The following PRICKLE1 variants were observed in gnomAD, a reference collection of about 807,000 sequenced individuals.
PRICKLE1 encodes the protein prickle planar cell polarity protein 1, also known as prickle-like protein 1.
Under a neutral mutation model 70.2 loss-of-function variants are expected in PRICKLE1, and 14 were observed. The ratio of observed to expected loss-of-function variants is 0.20; its 90% confidence interval spans 0.13 to 0.31. The LOEUF (loss-of-function observed/expected upper bound fraction) is 0.31. Among genes scored for constraint, PRICKLE1 ranks in the 10% least tolerant of loss-of-function variants. The pLI is 1.00. For synonymous variants in PRICKLE1, 357 were observed against 379.9 expected, an observed-to-expected ratio of 0.94 and a Z score of 0.70; for missense variants, 821 against 1,026.2, an observed-to-expected ratio of 0.80 and a Z score of 2.73.
At position 42,512,583 on chromosome 12, in the gene PRICKLE1, T is replaced by C. The variant is rs116621107; in HGVS notation, c.-48-40019A>G. ...CCCCTGCCCTCTCCCTATTCCACAT[T>C]CTTCATCTCTCTTTCCTGAGTTATT... is the stretch of plus-strand genomic sequence containing the variant. On this transcript the variant is annotated intron_variant, in intron 1 of 7. Transcript: ENST00000345127. Among the ~76,000 whole-genome samples the C allele has an allele frequency of 1.7e-3, 258 of 152,318 alleles. 3 individuals are homozygous for C. Among genetic ancestry groups the C allele is most frequent in the African/African-American group, 6.1e-3 (254 of 41,578 alleles).
chr12:42,562,768 GA>G (rs922595629), intron 1 of PRICKLE1, among the ~76,000 whole-genome samples: 1 of 151,936 alleles, frequency 6.6e-6, no homozygotes, highest in African/African-American at 2.4e-5. Flanking sequence ...AGAAGGAAAA[GA>G]AAAAAATTGT....
chr12:42,533,858 C>CT (rs1939969081), intron 1 of PRICKLE1, among the ~76,000 whole-genome samples: 1 of 152,150 alleles, frequency 6.6e-6, no homozygotes, highest in African/African-American at 2.4e-5. Context: ...CACAACTCCC[C>CT]TCCCACACAA....
At chr12:42,490,225 G>A (rs1376925185) in intron 1 of PRICKLE1, among the ~76,000 whole-genome samples, 2 of 152,198 alleles carry the variant, frequency 1.3e-5, no homozygotes, top group African/African-American at 4.8e-5. Context: ...AACCGTGAAG[G>A]TGGGGTGACA....
At chr12:42,569,384 T>C (rs1466203862) in intron 1 of PRICKLE1, among the ~76,000 whole-genome samples, 1 of 152,238 alleles carries the variant, frequency 6.6e-6, no homozygotes, top group Non-Finnish European at 1.5e-5. Flanking sequence ...CAGACATGAC[T>C]GCTTTTAAGT....
intron 1 of PRICKLE1, among the ~76,000 whole-genome samples, chr12:42,473,644 G>C (rs1003213309): frequency 1.3e-5 from 2 of 152,084 alleles, no homozygotes; most frequent in African/African-American, 4.8e-5. Flanking sequence ...ATGATGTAAA[G>C]AAAGAAAATT....
At chr12:42,499,725 A>AATTTTTT (rs1939272541) in intron 1 of PRICKLE1, among the ~76,000 whole-genome samples, 1 of 144,000 alleles carries the variant, frequency 6.9e-6, no homozygotes, top group Admixed American at 7.1e-5. Flanking sequence ...CTGGCCTAGA[A>AATTTTTT]ATTTATTTAT....
In PRICKLE1 at chr12:42,472,457, G is replaced by T. The variant is rs370960593; in HGVS notation, c.60C>A (p.Ser20=). Residue 20 remains serine (S), a synonymous_variant, in exon 2 of 8, where the codon TCC becomes TCA. Transcript: ENST00000345127. ...CACAGCCAGAGTCATCATCTGATGT[G>T]GAACTTCTCTGACAGCCAAAGGCCA... ...SKLAFGCQRS[S]TSDDDSGCAL... 219 of 1,614,016 alleles carry T rather than the reference G, an allele frequency of 1.4e-4. No homozygotes were observed. The highest frequency in any genetic ancestry group is 1.8e-4 in the Non-Finnish European group (212 of 1,180,018).
At chr12:42,539,122 G>T (rs1374358578) in intron 1 of PRICKLE1, among the ~76,000 whole-genome samples, 2 of 152,182 alleles carry the variant, frequency 1.3e-5, no homozygotes, top group Non-Finnish European at 2.9e-5. Flanking sequence ...ACAAAAACTT[G>T]AACGTCAAAG....
At chr12:42,549,224 C>T (rs985050425) in intron 1 of PRICKLE1, among the ~76,000 whole-genome samples, 9 of 151,952 alleles carry the variant, frequency 5.9e-5, no homozygotes, top group Non-Finnish European at 7.4e-5. Context: ...ATTTGCTACC[C>T]GCCCAGCGTT....
At chr12:42,552,961 T>G (rs1414319746) in intron 1 of PRICKLE1, among the ~76,000 whole-genome samples, 1 of 152,162 alleles carries the variant, frequency 6.6e-6, no homozygotes, top group East Asian at 1.9e-4. Flanking sequence ...CCTCTGAGAA[T>G]CTAATGCTGC....
At chr12:42,496,533 C>T (rs185398627) in intron 1 of PRICKLE1, among the ~76,000 whole-genome samples, 1 of 152,344 alleles carries the variant, frequency 6.6e-6, no homozygotes, top group East Asian at 1.9e-4. Context: ...CTTCTCCTCT[C>T]AAGCTATGAA....
chr12:42,498,452 G>C (rs1047619700), intron 1 of PRICKLE1, among the ~76,000 whole-genome samples: 1 of 152,160 alleles, frequency 6.6e-6, no homozygotes, highest in Non-Finnish European at 1.5e-5. Context: ...GGGATTACAG[G>C]TGTGAGCCAC....
chr12:42,536,926 C>T (rs940271134), intron 1 of PRICKLE1, among the ~76,000 whole-genome samples: 4 of 152,032 alleles, frequency 2.6e-5, no homozygotes, highest in African/African-American at 4.8e-5. Context: ...GTTACTGGTA[C>T]GTATACATAT....
intron 1 of PRICKLE1, among the ~76,000 whole-genome samples, chr12:42,491,029 C>T (rs1159033775): frequency 2.0e-5 from 3 of 151,574 alleles, no homozygotes; most frequent in Non-Finnish European, 4.4e-5. Flanking sequence ...TATGCGCCAC[C>T]GTGCCTGGCT....
intron 1 of PRICKLE1, among the ~76,000 whole-genome samples, chr12:42,487,039 C>G (rs1939003473): frequency 6.6e-6 from 1 of 152,142 alleles, no homozygotes; most frequent in Non-Finnish European, 1.5e-5. Context: ...AAAAGAATCA[C>G]AAAATCAATC....
At chr12:42,490,684 G>A (rs1038084743) in intron 1 of PRICKLE1, among the ~76,000 whole-genome samples, 2 of 152,100 alleles carry the variant, frequency 1.3e-5, no homozygotes, top group African/African-American at 4.8e-5. Context: ...CTGGGTAGGG[G>A]CAGTGGAAGG....
intron 1 of PRICKLE1, among the ~76,000 whole-genome samples, chr12:42,588,352 C>T (rs1049396361): frequency 1.3e-5 from 2 of 152,246 alleles, no homozygotes; most frequent in Admixed American, 6.5e-5. Context: ...GTAGACAACA[C>T]TGTATGCATG....
chr12:42,478,545 G>T (rs1938664236), intron 1 of PRICKLE1, among the ~76,000 whole-genome samples: 1 of 152,122 alleles, frequency 6.6e-6, no homozygotes, highest in Admixed American at 6.6e-5. Flanking sequence ...CAAGCACAAG[G>T]AACTGCTGTT....
At position 42,466,359 on chromosome 12, in the gene PRICKLE1, T is replaced by C. The variant is rs1324733484; in HGVS notation, c.610A>G (p.Thr204Ala). The change falls in exon 6 of 8, where the codon ACA becomes GCA. Residue 204 changes from threonine to alanine, a missense_variant. Physicochemically the swap from Thr to Ala is moderately conservative, Grantham distance 58. Coordinates refer to ENST00000345127, the MANE Select transcript of PRICKLE1 (RefSeq NM_153026.3). ...TGCCAATGGCGACCCTCAGCTTCTGTGCACTCATCAGCAAAAATTATCTTC... is the reference window on the plus strand; with the variant it reads ...TGCCAATGGCGACCCTCAGCTTCTGCGCACTCATCAGCAAAAATTATCTTC... ...CDEIIFADECTEAEGRHWHMK... is the reference protein window; with the variant it reads ...CDEIIFADECAEAEGRHWHMK... 6.2e-7 allele frequency: 1 copy of C among 1,614,182 alleles called. No individual in the cohort carries two copies. Among genetic ancestry groups the C allele is most frequent in the Non-Finnish European group, 8.5e-7 (1 of 1,180,036 alleles).
Sources: gnomAD v4.1 joint callset for allele counts (sites outside exome capture counted in the v4.1 genomes callset) on GRCh38, gnomAD v4.1.1 for gene constraint, MANE v1.5 for transcripts, NCBI Gene and HGNC (gene_info 2026-07-23, HGNC 2026-07-21) for gene names.